SCFD2: variants seen among roughly 807,000 people sequenced by gnomAD.
SCFD2 encodes the protein sec1 family domain-containing protein 2.
Under a neutral mutation model 58.9 loss-of-function variants are expected in SCFD2, and 54 were observed. That is an observed-to-expected ratio of 0.92 (90% CI 0.74 to 1.15). SCFD2 has a LOEUF of 1.15. Ranked by LOEUF, SCFD2 falls within the 50% of genes most tolerant of loss-of-function variation. The probability of loss-of-function intolerance (pLI) is 0.00; values close to 1 mark genes in which losing one functional copy is unlikely to be tolerated. For synonymous variants in SCFD2, 321 were observed against 335.9 expected (o/e 0.96, Z 0.49); for missense variants, 805 against 836.6 (o/e 0.96, Z 0.47).
At chr4:53,214,482 G>C (rs931340832) in intron 4 of SCFD2, among the ~76,000 whole-genome samples, 16 of 151,794 alleles carry the variant, frequency 1.1e-4, no homozygotes, top group African/African-American at 3.9e-4. Flanking sequence ...TCATATCCTT[G>C]GCCCACTTTT....
chr4:53,353,416 A>G (rs1734299360), intron 1 of SCFD2, among the ~76,000 whole-genome samples: 1 of 152,184 alleles, frequency 6.6e-6, no homozygotes, highest in Admixed American at 6.5e-5. Context: ...TATTGCAGAG[A>G]GCAAATGAAC....
At chr4:53,258,925 A>C (rs1202025328) in intron 4 of SCFD2, among the ~76,000 whole-genome samples, 2 of 152,054 alleles carry the variant, frequency 1.3e-5, no homozygotes, top group Non-Finnish European at 2.9e-5. Context: ...TTCTTGCAGG[A>C]GTAAGATGGT....
intron 4 of SCFD2, among the ~76,000 whole-genome samples, chr4:53,183,185 A>G (rs971908202): frequency 2.0e-5 from 3 of 152,262 alleles, no homozygotes; most frequent in African/African-American, 7.2e-5. Context: ...TCATGCTGCT[A>G]TAAAGACACA....
intron 4 of SCFD2, among the ~76,000 whole-genome samples, chr4:53,217,159 G>C (rs941060183): frequency 2.0e-5 from 3 of 152,120 alleles, no homozygotes; most frequent in Non-Finnish European, 2.9e-5. Context: ...ATTTCTATTA[G>C]GTCCACTTGG....
chr4:52,925,941 A>G (rs1013338334), intron 5 of SCFD2, among the ~76,000 whole-genome samples: 3 of 152,060 alleles, frequency 2.0e-5, no homozygotes, highest in Non-Finnish European at 4.4e-5. Flanking sequence ...TCAACAAAAT[A>G]GGGCTCCTGT....
At chr4:52,924,165 C>T (rs889509097) in intron 5 of SCFD2, among the ~76,000 whole-genome samples, 1 of 151,986 alleles carries the variant, frequency 6.6e-6, no homozygotes, top group Non-Finnish European at 1.5e-5. Flanking sequence ...TGGTCTCTTG[C>T]AATTTTTTGG....
At chr4:53,007,448 C>T (rs1414338740) in intron 5 of SCFD2, among the ~76,000 whole-genome samples, 1 of 149,806 alleles carries the variant, frequency 6.7e-6, no homozygotes, top group Non-Finnish European at 1.5e-5. Context: ...GAAGGATAGA[C>T]TTGTTACTGA....
rs191690259 is a variant in SCFD2 at position 53,336,379 on chromosome 4, A to G, written c.1007+16219T>C. Among the ~76,000 whole-genome samples, 76 of 152,276 alleles carry G rather than the reference A, an allele frequency of 5.0e-4. No homozygotes were observed. In the South Asian group the frequency reaches 5.6e-3, roughly 11 times the overall value. On this transcript the variant is annotated intron_variant, in intron 2 of 8. Coordinates refer to ENST00000401642, the MANE Select transcript of SCFD2 (RefSeq NM_152540.4). ...CAAATATAAAGACTGCTTTTAGAGT[A>G]AAAGAAAAAAAGATAAATTCTGTAA...
chr4:53,305,102 T>C lies in SCFD2; in HGVS notation c.1135+8534A>G, dbSNP rs141677500. Among the ~76,000 whole-genome samples, 89 of 152,284 alleles carry C rather than the reference T, an allele frequency of 5.8e-4. No homozygotes were observed. The Middle Eastern group carries it at 0.014, about 23-fold the overall frequency. On this transcript the variant is annotated intron_variant, in intron 3 of 8. Coordinates refer to ENST00000401642, the MANE Select transcript of SCFD2 (RefSeq NM_152540.4). ...CTGCTGCAGGTCTGCTTAAAGTCCATCCATGTTGTGGCAAATGGATATCCT... is the reference window on the plus strand; with the variant it reads ...CTGCTGCAGGTCTGCTTAAAGTCCACCCATGTTGTGGCAAATGGATATCCT...
At chr4:53,231,256 T>G (rs1171921622) in intron 4 of SCFD2, among the ~76,000 whole-genome samples, 2 of 152,188 alleles carry the variant, frequency 1.3e-5, no homozygotes, top group Non-Finnish European at 2.9e-5. Context: ...CTATAATCCT[T>G]ATTATTTAAC....
intron 4 of SCFD2, among the ~76,000 whole-genome samples, chr4:53,224,050 C>A (rs1031165363): frequency 1.3e-5 from 2 of 152,026 alleles, no homozygotes; most frequent in African/African-American, 4.8e-5. Flanking sequence ...TTCCTTCATT[C>A]TAGCTAGTCA....
intron 2 of SCFD2, among the ~76,000 whole-genome samples, chr4:53,330,514 C>G (rs894801420): frequency 3.3e-5 from 5 of 151,946 alleles, no homozygotes; most frequent in African/African-American, 9.7e-5. Flanking sequence ...AAGTGAAGGA[C>G]AAATAAAATA....
chr4:53,085,646 T>A (rs1405413948), intron 5 of SCFD2, among the ~76,000 whole-genome samples: 1 of 152,134 alleles, frequency 6.6e-6, no homozygotes, highest in Non-Finnish European at 1.5e-5. Flanking sequence ...ATTGCAGAGC[T>A]ATAGTAACCA....
At chr4:53,209,552 A>G (rs1728538994) in intron 4 of SCFD2, among the ~76,000 whole-genome samples, 1 of 152,172 alleles carries the variant, frequency 6.6e-6, no homozygotes, top group South Asian at 2.1e-4. Context: ...TATACAGTAT[A>G]GCTTCTGCTT....
At chr4:52,911,439 T>C (rs1175164154) in intron 6 of SCFD2, among the ~76,000 whole-genome samples, 2 of 152,248 alleles carry the variant, frequency 1.3e-5, no homozygotes, top group African/African-American at 4.8e-5. Context: ...AGTGCTGTTT[T>C]CTCAACCTCT....
chr4:52,948,664 T>C, intron 5 of SCFD2: 1 of 403,468 alleles, frequency 2.5e-6, no homozygotes, highest in Non-Finnish European at 5.0e-6. Context: ...TACTTATATA[T>C]ATGATTTGTT....
intron 4 of SCFD2, among the ~76,000 whole-genome samples, chr4:53,189,393 G>T (rs1303519502): frequency 6.6e-6 from 1 of 152,180 alleles, no homozygotes; most frequent in Non-Finnish European, 1.5e-5. Context: ...AAGTTAGATG[G>T]TTGTCCCTTC....
intron 4 of SCFD2, among the ~76,000 whole-genome samples, chr4:53,242,821 A>G (rs999626444): frequency 8.5e-5 from 13 of 152,240 alleles, no homozygotes; most frequent in Non-Finnish European, 1.6e-4. Context: ...CCACTACAAG[A>G]ATTTCAAAAT....
intron 4 of SCFD2, among the ~76,000 whole-genome samples, chr4:53,214,418 T>G (rs974645238): frequency 6.6e-6 from 1 of 152,100 alleles, no homozygotes; most frequent in African/African-American, 2.4e-5. Context: ...ATGATGAGCA[T>G]TTTTTTCATG....
Sources: gnomAD v4.1 joint callset for allele counts (sites outside exome capture counted in the v4.1 genomes callset) on GRCh38, gnomAD v4.1.1 for gene constraint, MANE v1.5 for transcripts, NCBI Gene and HGNC (gene_info 2026-07-23, HGNC 2026-07-21) for gene names.